Variants in ARHGEF4 observed in about 807,000 individuals in gnomAD.
ARHGEF4 encodes the protein Rho guanine nucleotide exchange factor 4, also known as APC-stimulated guanine nucleotide exchange factor 1.
A neutral mutation model predicts 162.0 loss-of-function variants in ARHGEF4; 119 were observed. The observed-to-expected ratio is 0.73, with a 90% confidence interval of 0.63 to 0.86. The LOEUF is 0.86. Ranked by LOEUF, ARHGEF4 falls within the 40% of genes least tolerant of loss-of-function variation. The probability of loss-of-function intolerance (pLI) is 0.00; values close to 1 mark genes in which losing one functional copy is unlikely to be tolerated. For missense variants in ARHGEF4, 2,488 were observed against 2,456.0 expected (o/e 1.01, Z -0.28); for synonymous variants, 1,014 against 979.9 (o/e 1.03, Z -0.65).
At chr2:130,840,766 G>C (rs1195548653) in intron 1 of ARHGEF4, among the ~76,000 whole-genome samples, 1 of 152,184 alleles carries the variant, frequency 6.6e-6, no homozygotes, top group African/African-American at 2.4e-5. Context: ...GCAGGCTGTG[G>C]AGACATCCTG....
At chr2:130,952,365 C>T (rs1356856475) in intron 4 of ARHGEF4, among the ~76,000 whole-genome samples, 1 of 152,124 alleles carries the variant, frequency 6.6e-6, no homozygotes, top group African/African-American at 2.4e-5. Flanking sequence ...TTCAACAGCC[C>T]TTCATGCTAA....
chr2:130,926,060 T>TTC (rs1266905641), intron 2 of ARHGEF4, among the ~76,000 whole-genome samples: 61 of 83,648 alleles, frequency 7.3e-4, no homozygotes, highest in African/African-American at 2.1e-3. Flanking sequence ...CTTTCTTTCT[T>TTC]TCTTTCTTTC....
intron 1 of ARHGEF4, among the ~76,000 whole-genome samples, chr2:130,879,098 G>A (rs992361514): frequency 8.5e-5 from 13 of 152,334 alleles, no homozygotes; most frequent in African/African-American, 3.1e-4. Context: ...GCACAGGTGG[G>A]AGGGGCCCAT....
At chr2:130,971,222 A>G (rs1685339284) in intron 4 of ARHGEF4, among the ~76,000 whole-genome samples, 1 of 152,138 alleles carries the variant, frequency 6.6e-6, no homozygotes, top group Non-Finnish European at 1.5e-5. Flanking sequence ...AACAGTCTAT[A>G]TTTGTGTTGG....
At position 130,997,269 on chromosome 2, in the gene ARHGEF4, A is replaced by G. The variant is rs142987875; in HGVS notation, c.3986-30676A>G. ...AGCTCGTTTTGCTATTATGAATACA[A>G]CCTTCTAGCAGGTTGTTATTGCTGG... On this transcript the variant is annotated intron_variant, in intron 4 of 13. Coordinates refer to ENST00000409359, the MANE Select transcript of ARHGEF4 (RefSeq NM_001367493.1). Among the ~76,000 whole-genome samples the G allele has an allele frequency of 7.0e-4, 106 of 152,264 alleles. 2 individuals are homozygous for G. The highest frequency in any genetic ancestry group is 2.2e-3 in the African/African-American group (92 of 41,546).
intron 4 of ARHGEF4, among the ~76,000 whole-genome samples, chr2:130,949,742 TG>T: frequency 6.6e-6 from 1 of 152,224 alleles, no homozygotes; most frequent in East Asian, 1.9e-4. Flanking sequence ...CTCCACTTCC[TG>T]GGTTCAAGCA....
chr2:130,978,486 A>G (rs935720874), intron 4 of ARHGEF4, among the ~76,000 whole-genome samples: 1 of 152,152 alleles, frequency 6.6e-6, no homozygotes, highest in Non-Finnish European at 1.5e-5. Flanking sequence ...CACTGTCCAT[A>G]TAGATTCCCA....
intron 4 of ARHGEF4, among the ~76,000 whole-genome samples, chr2:131,019,788 C>G (rs1225687615): frequency 1.3e-5 from 2 of 152,106 alleles, no homozygotes; most frequent in African/African-American, 4.8e-5. Flanking sequence ...CGCCTGCCAC[C>G]ACGGCCGGCT....
Position 130,916,290 on chromosome 2 carries a change from C to T in ARHGEF4, c.2344C>T (p.Arg782Cys), listed in dbSNP as rs577995267. ...GCCGCCCCAGCCGCCACGCGGGCTC[C>T]GCAAGGGCGCGCAGGAGCCTGGGAA... ...LEPPQPPRGL[R>C]KGAQEPGKRP... is the part of the protein sequence containing the mutation. The change falls in exon 2 of 14, where the codon CGC becomes TGC. Residue 782 changes from arginine (R) to cysteine (C), a missense_variant. This residue lies in a region of ARHGEF4 where 1,642 missense variants were observed against 1,481.5 expected (regional missense o/e 1.11). Transcript: ENST00000409359. 2 of 1,538,340 alleles carry T rather than the reference C, an allele frequency of 1.3e-6. No individual in the cohort carries two copies. Among genetic ancestry groups the T allele is most frequent in the Non-Finnish European group, 1.7e-6 (2 of 1,143,438 alleles).
chr2:131,037,689 G>A (rs1213628568), intron 5 of ARHGEF4, among the ~76,000 whole-genome samples: 1 of 152,270 alleles, frequency 6.6e-6, no homozygotes, highest in East Asian at 1.9e-4. Context: ...CATGTTAGGA[G>A]AAAGCAGGGG....
At chr2:130,879,297 A>AT (rs1027194440) in intron 1 of ARHGEF4, among the ~76,000 whole-genome samples, 1 of 152,080 alleles carries the variant, frequency 6.6e-6, no homozygotes, top group African/African-American at 2.4e-5. Context: ...TTTACAGGAG[A>AT]TTTTTTTCTT....
intron 3 of ARHGEF4, among the ~76,000 whole-genome samples, chr2:130,944,346 T>C (rs1304484152): frequency 6.6e-6 from 1 of 152,220 alleles, no homozygotes; most frequent in African/African-American, 2.4e-5. Context: ...AAATTATTCT[T>C]GATATTGTTC....
intron 1 of ARHGEF4, among the ~76,000 whole-genome samples, chr2:130,886,322 A>G (rs761006182): frequency 6.6e-6 from 1 of 151,896 alleles, no homozygotes; most frequent in Non-Finnish European, 1.5e-5. Context: ...TCAAGGAGGT[A>G]TTAACCTTAT....
chr2:130,912,443 T>C (rs1309390317), intron 1 of ARHGEF4, among the ~76,000 whole-genome samples: 1 of 152,260 alleles, frequency 6.6e-6, no homozygotes, highest in Non-Finnish European at 1.5e-5. Flanking sequence ...TACTTGAAAC[T>C]GCAGGATCAT....
intron 3 of ARHGEF4, among the ~76,000 whole-genome samples, chr2:130,936,507 T>G (rs574978875): frequency 3.9e-5 from 6 of 152,232 alleles, no homozygotes; most frequent in Non-Finnish European, 8.8e-5. Context: ...TTGCATGGGA[T>G]AATTTTTCCA....
At chr2:130,897,040 G>A (rs528246947) in intron 1 of ARHGEF4, among the ~76,000 whole-genome samples, 181 of 152,336 alleles carry the variant, frequency 1.2e-3, no homozygotes, top group African/African-American at 4.1e-3. Context: ...TTCAGTGAAA[G>A]AGGAATCTTA....
chr2:130,840,194 A>G (rs886579460), intron 1 of ARHGEF4, among the ~76,000 whole-genome samples: 21 of 152,098 alleles, frequency 1.4e-4, no homozygotes, highest in Admixed American at 5.9e-4. Flanking sequence ...AGGCACACAC[A>G]CAGACACACA....
intron 2 of ARHGEF4, among the ~76,000 whole-genome samples, chr2:130,924,981 A>G (rs1007176492): frequency 3.3e-5 from 5 of 151,590 alleles, no homozygotes; most frequent in Admixed American, 2.0e-4. Context: ...TACCAGCCAC[A>G]GTTCTAACTT....
Position 130,914,573 on chromosome 2 carries a change from C to T in ARHGEF4, c.627C>T (p.Ser209=). 7.2e-7 allele frequency: 1 copy of T among 1,396,772 alleles called. No individual in the cohort carries two copies. The highest frequency in any genetic ancestry group is 9.2e-7 in the Non-Finnish European group (1 of 1,082,052). 86.5% of individuals were successfully genotyped at this position (1,396,772 alleles called of 1,614,324 possible). A position where few individuals can be genotyped will look rare whatever the true frequency, so the allele number is the denominator to read the frequency against. ...CTGTTCAAGACCTCAGAGGGCTCTC[C>T]AGTGTTTCTCTTCAGAAATCCAGGT... ...GVAVQDLRGL[S]SVSLQKSRSE... The change falls in exon 2 of 14, where the codon TCC becomes TCT. Residue 209 remains serine, a synonymous_variant. Transcript: ENST00000409359.
Sources: gnomAD v4.1 joint callset for allele counts (sites outside exome capture counted in the v4.1 genomes callset) on GRCh38, gnomAD v4.1.1 for gene constraint, gnomAD v4.1.1 regional missense constraint, MANE v1.5 for transcripts, NCBI Gene and HGNC (gene_info 2026-07-23, HGNC 2026-07-21) for gene names.